SLC25A23: variants seen among roughly 807,000 people sequenced by gnomAD.
The protein encoded by SLC25A23 is mitochondrial adenyl nucleotide antiporter SLC25A23.
A neutral mutation model predicts 53.9 loss-of-function variants in SLC25A23; 32 were observed. The observed-to-expected ratio is 0.59, with a 90% CI of 0.45 to 0.80. SLC25A23 has a LOEUF of 0.80. Among genes scored for constraint, SLC25A23 ranks in the 30% least tolerant of loss-of-function variants. The pLI, the probability that SLC25A23 is intolerant of heterozygous loss-of-function variation, is 0.00. For synonymous variants in SLC25A23, 275 were observed against 264.5 expected (o/e 1.04, Z -0.38); for missense variants, 575 against 651.4 (o/e 0.88, Z 1.28).
chr19:6,456,122 AC>A, intron 4 of SLC25A23: 1 of 1,417,176 alleles, frequency 7.1e-7, no homozygotes, highest in Non-Finnish European at 9.3e-7. Flanking sequence ...GAGGCCTTGT[AC>A]CCCATCTGGT....
At position 6,443,914 on chromosome 19, in the gene SLC25A23, G is replaced by A. The variant is rs144761364; in HGVS notation, c.1222+237C>T. On this transcript the variant is annotated intron_variant, in intron 9 of 9. Transcript: ENST00000301454. ...GAAATGCTAGACATTTGCCAGCAAC[G>A]ACATCCCAGCTAAGTCTGCAAGGGA... is the stretch of plus-strand genomic sequence containing the variant. Among the ~76,000 whole-genome samples, 201 of 152,256 alleles carry A rather than the reference G, an allele frequency of 1.3e-3. 1 individual carries two copies. Among genetic ancestry groups the A allele is most frequent in the African/African-American group, 3.7e-3 (155 of 41,544 alleles).
rs1044702865 is a variant in SLC25A23, at chr19:6,459,332, T to C, written c.156+141A>G. The stretch of plus-strand genomic sequence containing the variant: ...TCCCGTTAGGCCAAACACGAGTGGG[T>C]AGGGGGAACGAGACAGAGACACAGG... On this transcript the variant is annotated intron_variant, in intron 1 of 9. Coordinates refer to ENST00000301454, the MANE Select transcript of SLC25A23 (RefSeq NM_024103.3). This position sits in a 1 kb window ranked among gnomAD's most constrained non-coding sequence, Gnocchi z 4.6. 1.1e-5 allele frequency: 7 copies of C among 666,552 alleles called. No homozygotes were observed. The highest frequency in any genetic ancestry group is 9.6e-5 in the African/African-American group (5 of 52,240). 41.3% of individuals were successfully genotyped at this position (666,552 alleles called of 1,614,324 possible).
At chr19:6,445,055 G>A (rs927433281) in intron 8 of SLC25A23, among the ~76,000 whole-genome samples, 1 of 151,856 alleles carries the variant, frequency 6.6e-6, no homozygotes, top group Non-Finnish European at 1.5e-5. Flanking sequence ...CTTCCCCCTC[G>A]GCCTCCCAAA....
At position 6,458,260 on chromosome 19, in the gene SLC25A23, T is replaced by C; in HGVS notation, c.221A>G (p.Tyr74Cys). The C allele has an allele frequency of 6.2e-7, 1 of 1,613,602 alleles. No homozygotes were observed. Residue 74 changes from tyrosine (Y) to cysteine (C), a missense_variant, in exon 2 of 10, where the codon TAT (tyrosine) becomes TGT (cysteine). Coordinates refer to ENST00000301454, the MANE Select transcript of SLC25A23 (RefSeq NM_024103.3). ...CAGACGCTGTTCCCGCTCCTGCAGA[T>C]AGCGGGAAAATTCCTCCAGGTCGAG... Reference protein sequence around the residue: ...GGLDLEEFSRYLQEREQRLLL... With the variant: ...GGLDLEEFSRCLQEREQRLLL...
At chr19:6,436,784 G>A (rs536843253), downstream of SLC25A23, among the ~76,000 whole-genome samples, 9 of 151,940 alleles carry the variant, frequency 5.9e-5, 2 homozygotes, top group South Asian at 1.9e-3. Context: ...CTGACCTCAG[G>A]TGATTCACCC....
In SLC25A23 at chr19:6,452,306, A is replaced by G; in HGVS notation, c.1071+6T>C. 6.2e-7 allele frequency: 1 copy of G among 1,608,398 alleles called. No homozygotes were observed. Among genetic ancestry groups the G allele is most frequent in the South Asian group, 1.1e-5 (1 of 90,022 alleles). ...GCAGGGAAAGAGGAACGCGCTGCCC[A>G]CAGACCTCGTAGACGGCCAGGTCGA... On this transcript the variant is annotated splice_donor_region_variant and intron_variant, in intron 8 of 9. Coordinates refer to ENST00000301454, the MANE Select transcript of SLC25A23 (RefSeq NM_024103.3).
At chr19:6,444,386 C>T in intron 8 of SLC25A23, 85 bp from the exon 9 acceptor site, 1 of 1,407,804 alleles carries the variant, frequency 7.1e-7, no homozygotes. Flanking sequence ...GTTCTGTATC[C>T]CATGACAGGT....
At chr19:6,456,566 T>A in intron 3 of SLC25A23, 35 bp from the exon 4 acceptor site, 13 of 1,408,320 alleles carry the variant, frequency 9.2e-6, no homozygotes, top group Non-Finnish European at 1.2e-5. Context: ...GAGGACAGGT[T>A]CAGTGCCTGG....
chr19:6,444,396 T>C, intron 8 of SLC25A23, 95 bp from the exon 9 acceptor site: 1 of 1,336,354 alleles, frequency 7.5e-7, no homozygotes, highest in South Asian at 1.5e-5. Flanking sequence ...CCATGACAGG[T>C]GCTACTAGCT....
rs1054665482 is a variant in SLC25A23 at position 6,442,272 on chromosome 19, A to G, written c.1223-113T>C. The G allele has an allele frequency of 3.1e-5, 22 of 699,510 alleles. 2 individuals carry two copies. The Admixed American group carries it at 4.4e-4, about 14-fold the overall frequency. 43.3% of individuals were successfully genotyped at this position (699,510 alleles called of 1,614,324 possible). A position where few individuals can be genotyped will look rare whatever the true frequency, so the allele number is the denominator to read the frequency against. On this transcript the variant is annotated intron_variant, in intron 9 of 9. Transcript: ENST00000301454. ...CATTGCAGCAGGAGGGAAGGAGGTTAGACTAACAGTGGGACCTACCACTCA... is the reference window on the plus strand; with the variant it reads ...CATTGCAGCAGGAGGGAAGGAGGTTGGACTAACAGTGGGACCTACCACTCA...
In SLC25A23 at chr19:6,445,904, CACAA is replaced by C. The variant is rs758671042; in HGVS notation, c.1072-1607_1072-1604del. Among the ~76,000 whole-genome samples, 656 of 139,734 alleles carry C rather than the reference CACAA, an allele frequency of 4.7e-3. 1 individual carries two copies. Among genetic ancestry groups the C allele is most frequent in the Admixed American group, 7.0e-3 (105 of 14,962 alleles). The allele number at this position is 139,734 out of a possible 152,430, so 91.7% of individuals were successfully genotyped here. On this transcript the variant is annotated intron_variant, in intron 8 of 9. Transcript: ENST00000301454. ...CTGTCTCTACAAAAACAAACAAACA[CACAA>C]ACAAACAAACAAACAAAAAAAAACT...
chr19:6,454,150 CTGT>C lies in SLC25A23; in HGVS notation c.796-65_796-63del. 6.5e-7 allele frequency: 1 copy of C among 1,540,804 alleles called. No individual in the cohort carries two copies. Among genetic ancestry groups the C allele is most frequent in the African/African-American group, 1.4e-5 (1 of 73,538 alleles). On this transcript the variant is annotated intron_variant, in intron 6 of 9. Coordinates refer to ENST00000301454, the MANE Select transcript of SLC25A23 (RefSeq NM_024103.3). The surrounding 1 kb of genome is among the most constrained non-coding windows in gnomAD (Gnocchi z 4.3). ...GGGGTTGAACCTTCCTTGCACTCCA[CTGT>C]TCTCCTGGCTTCCAAAGAACTGGCT...
chr19:6,441,806 C>G lies in SLC25A23; in HGVS notation c.*169G>C, dbSNP rs2092424516. Reference sequence around the variant, plus strand: ...GGCATAGGAGTCTAGGATCCAGGATCTGGATGCTGGGATCCCATGACCCAA... The same window carrying G: ...GGCATAGGAGTCTAGGATCCAGGATGTGGATGCTGGGATCCCATGACCCAA... On this transcript the variant is annotated 3_prime_UTR_variant, in exon 10 of 10. Transcript: ENST00000301454. The G allele has an allele frequency of 1.7e-6, 1 of 588,652 alleles. No individual in the cohort carries two copies. Among genetic ancestry groups the G allele is most frequent in the East Asian group, 2.8e-5 (1 of 36,304 alleles). 36.5% of individuals were successfully genotyped at this position (588,652 alleles called of 1,614,324 possible).
In SLC25A23 at chr19:6,459,640, G is replaced by C. The variant is rs747828994; in HGVS notation, c.-12C>G. Reference sequence around the variant, plus strand: ...GGGCTCCCCCGCATGGCGCCCGCCCGGGGGGGAGGGGAGGCCCGGCAGCGG... The same window carrying C: ...GGGCTCCCCCGCATGGCGCCCGCCCCGGGGGGAGGGGAGGCCCGGCAGCGG... On this transcript the variant is annotated 5_prime_UTR_variant, in exon 1 of 10. Coordinates refer to ENST00000301454, the MANE Select transcript of SLC25A23 (RefSeq NM_024103.3). This position sits in a 1 kb window ranked among gnomAD's most constrained non-coding sequence, Gnocchi z 4.6. 6 of 1,399,796 alleles carry C rather than the reference G, an allele frequency of 4.3e-6. No individual in the cohort carries two copies. In the South Asian group the frequency reaches 1.0e-4, roughly 23 times the overall value. 86.7% of individuals were successfully genotyped at this position (1,399,796 alleles called of 1,614,324 possible).
chr19:6,458,363 C>G (rs188021393), intron 1 of SLC25A23, 39 bp from the exon 2 acceptor site: 1 of 1,602,278 alleles, frequency 6.2e-7, no homozygotes, highest in African/African-American at 1.3e-5. Context: ...CTCCAGGAAC[C>G]TGCTCCTGAT....
At chr19:6,453,724 T>C (rs1225588723) in intron 7 of SLC25A23, among the ~76,000 whole-genome samples, 1 of 152,182 alleles carries the variant, frequency 6.6e-6, no homozygotes, top group Non-Finnish European at 1.5e-5. Flanking sequence ...CCTTAGAAGA[T>C]GCATATTTAT....
Position 6,442,168 on chromosome 19 carries a change from G to A in SLC25A23, c.1223-9C>T. 6.9e-7 allele frequency: 1 copy of A among 1,449,364 alleles called. No individual in the cohort carries two copies. The highest frequency in any genetic ancestry group is 1.9e-4 in the Middle Eastern group (1 of 5,326). The allele number at this position is 1,449,364 out of a possible 1,614,324, so 89.8% of individuals were successfully genotyped here. A position where few individuals can be genotyped will look rare whatever the true frequency, so the allele number is the denominator to read the frequency against. On this transcript the variant is annotated splice_polypyrimidine_tract_variant and intron_variant, in intron 9 of 9. Transcript: ENST00000301454. ...GCCACCCTCGATGGAGGCTGGGAGG[G>A]GGCGGGGGGGGCACCAGGTAAGGCC... is the stretch of plus-strand genomic sequence containing the variant.
At chr19:6,456,055 G>A in intron 4 of SLC25A23, 1 of 1,329,630 alleles carries the variant, frequency 7.5e-7, no homozygotes, top group Non-Finnish European at 9.8e-7. Flanking sequence ...TTCAGCCGTA[G>A]AATCTTTTAT....
chr19:6,436,562 T>A (rs1288794956), downstream of SLC25A23: 1 of 411,526 alleles, frequency 2.4e-6, no homozygotes, highest in African/African-American at 2.1e-5. Context: ...TTTTTTTTTT[T>A]CTTTGAGACA....
Sources: allele counts gnomAD v4.1 joint callset (sites outside exome capture counted in the v4.1 genomes callset), GRCh38; gene constraint gnomAD v4.1.1; non-coding constraint Gnocchi (gnomAD v3.1); transcripts MANE v1.5; gene names NCBI Gene and HGNC (gene_info 2026-07-23, HGNC 2026-07-21).